Variants in DOCK3 observed in about 807,000 individuals in gnomAD.
DOCK3 encodes the protein dedicator of cytokinesis protein 3.
A neutral mutation model predicts 265.6 loss-of-function variants in DOCK3; 60 were observed. That is an observed-to-expected ratio of 0.23 (90% confidence interval 0.18 to 0.28). The LOEUF is 0.28. DOCK3 is among the 10% of genes least tolerant of loss of function. DOCK3 has a pLI of 1.00. For synonymous variants in DOCK3, 881 were observed against 938.0 expected (o/e 0.94, Z 1.11); for missense variants, 1,981 against 2,594.3 (o/e 0.76, Z 5.14).
intron 2 of DOCK3, among the ~76,000 whole-genome samples, chr3:50,809,799 GTTA>G (rs1250449593): frequency 6.6e-6 from 1 of 152,154 alleles, no homozygotes; most frequent in East Asian, 1.9e-4. Context: ...GAGAATTAGT[GTTA>G]TTATGATTTT....
At chr3:51,055,733 A>G (rs1390921938) in intron 5 of DOCK3, among the ~76,000 whole-genome samples, 1 of 147,808 alleles carries the variant, frequency 6.8e-6, no homozygotes, top group Non-Finnish European at 1.5e-5. Flanking sequence ...CAGCAACTAC[A>G]GCCTCCATTG....
intron 3 of DOCK3, among the ~76,000 whole-genome samples, chr3:50,862,000 T>C (rs146568178): frequency 1.3e-5 from 2 of 152,348 alleles, no homozygotes; most frequent in African/African-American, 2.4e-5. Context: ...GTCTCAATTG[T>C]ATAATTGCTT....
intron 30 of DOCK3, 77 bp downstream of exon 30, chr3:51,312,653 G>A: frequency 1.4e-6 from 2 of 1,387,058 alleles, no homozygotes; most frequent in Non-Finnish European, 2.0e-6. Context: ...TTCTTTCAGA[G>A]GTCCACAAGG....
chr3:50,966,406 A>G (rs986615957), intron 5 of DOCK3, among the ~76,000 whole-genome samples: 2 of 148,228 alleles, frequency 1.3e-5, no homozygotes, highest in African/African-American at 5.0e-5. Context: ...CATAATGGCT[A>G]TGTTAATTTA....
chr3:51,118,915 G>C lies in DOCK3; in HGVS notation c.747-27634G>C, dbSNP rs2083889040. Among the ~76,000 whole-genome samples the C allele has an allele frequency of 3.3e-5, 5 of 152,042 alleles. No homozygotes were observed. The South Asian group carries it at 1.0e-3, about 32-fold the overall frequency. On this transcript the variant is annotated intron_variant, in intron 9 of 52. Coordinates refer to ENST00000266037, the MANE Select transcript of DOCK3 (RefSeq NM_004947.5). Reference sequence around the variant, plus strand: ...TGAATATAGCACACTGATGGGTCTTGACACTTTATCCAGTTTGCCAGTCTG... The same window carrying C: ...TGAATATAGCACACTGATGGGTCTTCACACTTTATCCAGTTTGCCAGTCTG...
chr3:51,014,539 C>G (rs191943500), intron 5 of DOCK3, among the ~76,000 whole-genome samples: 2 of 79,292 alleles, frequency 2.5e-5, no homozygotes, highest in East Asian at 7.9e-4. Context: ...ACATGGTATA[C>G]AAACTCTTCA....
chr3:51,134,504 A>G (rs2084705909), intron 9 of DOCK3, among the ~76,000 whole-genome samples: 1 of 152,184 alleles, frequency 6.6e-6, no homozygotes, highest in South Asian at 2.1e-4. Flanking sequence ...CAAGCAAATC[A>G]TTACCTATGT....
intron 3 of DOCK3, among the ~76,000 whole-genome samples, chr3:50,864,209 A>G (rs1226537777): frequency 6.6e-6 from 1 of 152,118 alleles, no homozygotes; most frequent in East Asian, 1.9e-4. Context: ...ATTATTAGTG[A>G]TATTGAGCAT....
chr3:50,861,992 C>T (rs1035077288), intron 3 of DOCK3, among the ~76,000 whole-genome samples: 1 of 151,970 alleles, frequency 6.6e-6, no homozygotes, highest in African/African-American at 2.4e-5. Context: ...GCTTTGCCGT[C>T]TCAATTGTAT....
chr3:50,771,776 G>A (rs945922028), intron 1 of DOCK3, among the ~76,000 whole-genome samples: 31 of 152,250 alleles, frequency 2.0e-4, no homozygotes, highest in Admixed American at 7.8e-4. Context: ...GCGTGAACCC[G>A]GGAGGCGGAG....
chr3:50,941,858 T>C (rs1307480623), intron 5 of DOCK3, among the ~76,000 whole-genome samples: 1 of 152,060 alleles, frequency 6.6e-6, no homozygotes, highest in African/African-American at 2.4e-5. Context: ...GACAAAATTA[T>C]AGCAATTAAG....
intron 9 of DOCK3, among the ~76,000 whole-genome samples, chr3:51,101,372 G>A (rs376079373): frequency 1.2e-4 from 18 of 151,566 alleles, no homozygotes; most frequent in African/African-American, 3.6e-4. Context: ...CACCTGCCTC[G>A]GCCTCCCAAA....
At chr3:51,015,207 C>A (rs2079104052) in intron 5 of DOCK3, among the ~76,000 whole-genome samples, 1 of 151,984 alleles carries the variant, frequency 6.6e-6, no homozygotes, top group Admixed American at 6.6e-5. Context: ...TTGTCATGTT[C>A]CAGATCTTAG....
At chr3:50,807,117 C>A (rs1228450137) in intron 2 of DOCK3, among the ~76,000 whole-genome samples, 2 of 152,146 alleles carry the variant, frequency 1.3e-5, no homozygotes, top group African/African-American at 4.8e-5. Context: ...ATCTCCACTC[C>A]TCTGTGGCAT....
chr3:51,327,281 G>A (rs1181901285), intron 32 of DOCK3, among the ~76,000 whole-genome samples: 1 of 152,128 alleles, frequency 6.6e-6, no homozygotes, highest in Non-Finnish European at 1.5e-5. Context: ...AGCATTTATT[G>A]AGTGCTTCCC....
Position 50,995,633 on chromosome 3 carries a change from T to C in DOCK3, c.315+61556T>C, listed in dbSNP as rs80312686. 7.9e-5 allele frequency among the ~76,000 whole-genome samples: 12 copies of C among 152,288 alleles called. No individual in the cohort carries two copies. The East Asian group carries it at 2.3e-3, about 29-fold the overall frequency. ...AAGATTCTGTCTACTCCCTAACAAG[T>C]AGTAAAGACAGTGAGTATTACAGGC... On this transcript the variant is annotated intron_variant, in intron 5 of 52. Coordinates refer to ENST00000266037, the MANE Select transcript of DOCK3 (RefSeq NM_004947.5).
chr3:51,055,396 A>G (rs927425919), intron 5 of DOCK3, among the ~76,000 whole-genome samples: 4 of 151,930 alleles, frequency 2.6e-5, no homozygotes, highest in African/African-American at 9.7e-5. Context: ...GTCTTCCTCC[A>G]CCTTACTCTT....
rs1205033740 is a variant in DOCK3, at chr3:50,836,143, T to G, written c.122-5532T>G. On this transcript the variant is annotated intron_variant, in intron 2 of 52. Transcript: ENST00000266037. ...TTATATTTTGAGAGGGATCTATTAC[T>G]TCTAATTCCTGGGGATCCCATTCTG... 2.6e-5 allele frequency among the ~76,000 whole-genome samples: 4 copies of G among 152,242 alleles called. No individual in the cohort carries two copies. In the East Asian group the frequency reaches 5.8e-4, roughly 22 times the overall value.
rs542107913 is a variant in DOCK3, at chr3:50,758,053, G to A, written c.38-20622G>A. On this transcript the variant is annotated intron_variant, in intron 1 of 52. Transcript: ENST00000266037. Reference sequence around the variant, plus strand: ...ATTAGCCGGGAGTGGCAGTGTGTGTGTGTAGTCCCAGCTACTCGGGAGGCT... The same window carrying A: ...ATTAGCCGGGAGTGGCAGTGTGTGTATGTAGTCCCAGCTACTCGGGAGGCT... Among the ~76,000 whole-genome samples, 5 of 151,534 alleles carry A rather than the reference G, an allele frequency of 3.3e-5. No homozygotes were observed. The South Asian group carries it at 8.3e-4, about 25-fold the overall frequency.
Sources: gnomAD v4.1 joint callset for allele counts (sites outside exome capture counted in the v4.1 genomes callset) on GRCh38, gnomAD v4.1.1 for gene constraint, MANE v1.5 for transcripts, NCBI Gene and HGNC (gene_info 2026-07-23, HGNC 2026-07-21) for gene names.